Variants in KIAA0513 observed in about 807,000 individuals in gnomAD.
The protein encoded by KIAA0513 is uncharacterized protein KIAA0513.
In KIAA0513, 39 loss-of-function variants were observed where a neutral mutation model predicts 56.5. The observed-to-expected ratio is 0.69, with a 90% CI of 0.53 to 0.90. The LOEUF (loss-of-function observed/expected upper bound fraction) is 0.90. KIAA0513 is among the 40% of genes least tolerant of loss of function. The pLI is 0.00. For synonymous variants in KIAA0513, 268 were observed against 215.6 expected (o/e 1.24, Z -2.13); for missense variants, 591 against 535.2 (o/e 1.10, Z -1.03).
At chr16:85,053,290 G>T (rs1176936264) in intron 1 of KIAA0513, among the ~76,000 whole-genome samples, 1 of 152,226 alleles carries the variant, frequency 6.6e-6, no homozygotes, top group Non-Finnish European at 1.5e-5. Context: ...AGGTACTCAG[G>T]AAACACCCAG....
chr16:85,077,494 C>A lies in KIAA0513; in HGVS notation c.644C>A (p.Ser215Tyr). Residue 215 changes from serine (S) to tyrosine (Y), a missense_variant, in exon 6 of 13, where the codon TCC (serine) becomes TAC (tyrosine). Coordinates refer to ENST00000683363, the MANE Select transcript of KIAA0513 (RefSeq NM_001388359.1). ...GGCAGCATCGACTCCTACCTGAAATCCGCAAACAGCTGGCTGGCCGAAAAG... is the reference window on the plus strand; with the variant it reads ...GGCAGCATCGACTCCTACCTGAAATACGCAAACAGCTGGCTGGCCGAAAAG... Reference protein sequence around the residue: ...PAGSIDSYLKSANSWLAEKKD... With the variant: ...PAGSIDSYLKYANSWLAEKKD... 6.2e-7 allele frequency: 1 copy of A among 1,614,204 alleles called. No individual in the cohort carries two copies. Among genetic ancestry groups the A allele is most frequent in the Middle Eastern group, 1.6e-4 (1 of 6,062 alleles).
At chr16:85,068,838 C>T (rs560844327) in intron 2 of KIAA0513, among the ~76,000 whole-genome samples, 29 of 152,260 alleles carry the variant, frequency 1.9e-4, no homozygotes, top group Admixed American at 1.6e-3. Flanking sequence ...CTTGTCTCAC[C>T]TCATTGTTGC....
chr16:85,087,028 C>A, intron 11 of KIAA0513, 44 bp from the exon 12 acceptor site: 1 of 1,587,844 alleles, frequency 6.3e-7, no homozygotes, highest in Non-Finnish European at 8.6e-7. Context: ...CGGCCCTTTC[C>A]CCTGGGAGGC....
Position 85,067,147 on chromosome 16 carries a change from G to A in KIAA0513, c.76G>A (p.Ala26Thr), listed in dbSNP as rs1336846589. 6 of 1,613,976 alleles carry A rather than the reference G, an allele frequency of 3.7e-6. No homozygotes were observed. Among genetic ancestry groups the A allele is most frequent in the Admixed American group, 1.7e-5 (1 of 60,004 alleles). The change falls in exon 2 of 13, where the codon GCA becomes ACA. Residue 26 changes from alanine to threonine, a missense_variant. Coordinates refer to ENST00000683363, the MANE Select transcript of KIAA0513 (RefSeq NM_001388359.1). ...PEAPTSSPLEAPPPVLQDGDG... is the reference protein window; with the variant it reads ...PEAPTSSPLETPPPVLQDGDG... ...GGCACCCACCTCTTCTCCCCTGGAG[G>A]CACCACCCCCTGTGCTGCAGGACGG...
chr16:85,066,048 C>A (rs3794677), intron 1 of KIAA0513, among the ~76,000 whole-genome samples: 38,028 of 152,054 alleles, frequency 0.25, 5,127 homozygotes, highest in Admixed American at 0.35. Context: ...TCTGGAGGGG[C>A]GTATACTTTA....
chr16:85,069,755 C>G (rs1241817535), intron 2 of KIAA0513, among the ~76,000 whole-genome samples: 5 of 152,098 alleles, frequency 3.3e-5, no homozygotes, highest in Non-Finnish European at 5.9e-5. Flanking sequence ...GTCTTGAGCC[C>G]TGCCTGGCCC....
chr16:85,040,584 G>A (rs964096466), intron 1 of KIAA0513, among the ~76,000 whole-genome samples: 3 of 152,108 alleles, frequency 2.0e-5, no homozygotes, highest in Admixed American at 6.6e-5. Flanking sequence ...TTGCTGTCTC[G>A]GAATTACCTC....
At position 85,081,461 on chromosome 16, in the gene KIAA0513, T is replaced by TC. The variant is rs1344986725; in HGVS notation, c.980+70dup. ...CAGGGAGTGGCTTTATTTCCCGGTT[T>TC]CGGAAGAGGAGAGCAGAAGAGCAGC... On this transcript the variant is annotated intron_variant, in intron 9 of 12. Coordinates refer to ENST00000683363, the MANE Select transcript of KIAA0513 (RefSeq NM_001388359.1). The surrounding 1 kb of genome is among the most constrained non-coding windows in gnomAD (Gnocchi z 4.4). The TC allele has an allele frequency of 1.5e-6, 2 of 1,361,716 alleles. No individual in the cohort carries two copies. The highest frequency in any genetic ancestry group is 3.9e-5 in the Admixed American group (2 of 50,672). The allele number at this position is 1,361,716 out of a possible 1,614,324, so 84.4% of individuals were successfully genotyped here. A position where few individuals can be genotyped will look rare whatever the true frequency, so the allele number is the denominator to read the frequency against.
At position 85,046,820 on chromosome 16, in the gene KIAA0513, C is replaced by T. The variant is rs193179398; in HGVS notation, c.-173+18962C>T. On this transcript the variant is annotated intron_variant, in intron 1 of 12. Transcript: ENST00000683363. ...TATACCTTCTGTTTCTTTCCTGAGA[C>T]TTCTCATCATTCCCTTTATGTTAAG... Among the ~76,000 whole-genome samples, 8 of 152,316 alleles carry T rather than the reference C, an allele frequency of 5.3e-5. No individual in the cohort carries two copies. The East Asian group carries it at 1.5e-3, about 29-fold the overall frequency.
At chr16:85,053,345 G>T (rs749467808) in intron 1 of KIAA0513, among the ~76,000 whole-genome samples, 1 of 152,206 alleles carries the variant, frequency 6.6e-6, no homozygotes, top group Non-Finnish European at 1.5e-5. Context: ...TAGACCCAGC[G>T]CATTGCTGCA....
At chr16:85,078,154 C>T (rs920647200) in intron 6 of KIAA0513, among the ~76,000 whole-genome samples, 35 of 152,182 alleles carry the variant, frequency 2.3e-4, no homozygotes, top group Non-Finnish European at 4.9e-4. Context: ...GGCTGGGCCA[C>T]AGCCGGGTGC....
At position 85,090,394 on chromosome 16, in the gene KIAA0513, C is replaced by A. The variant is rs748693154; in HGVS notation, c.*2069C>A. 8 of 152,122 alleles carry A rather than the reference C, an allele frequency of 5.3e-5. No homozygotes were observed. Among genetic ancestry groups the A allele is most frequent in the African/African-American group, 1.9e-4 (8 of 41,404 alleles). 9.4% of individuals were successfully genotyped at this position (152,122 alleles called of 1,614,324 possible). On this transcript the variant is annotated 3_prime_UTR_variant, in exon 13 of 13. Transcript: ENST00000683363. ...GTTCTGCGGTGCCCACAGGACTTAC[C>A]CCTGTATGTACAGGATTTTTGTATG...
At chr16:85,031,951 A>G (rs1477458809) in intron 1 of KIAA0513, among the ~76,000 whole-genome samples, 1 of 152,214 alleles carries the variant, frequency 6.6e-6, no homozygotes, top group Non-Finnish European at 1.5e-5. Context: ...GAATTCAGGC[A>G]CTAGACAGAC....
At chr16:85,056,034 T>C (rs1361013754) in intron 1 of KIAA0513, among the ~76,000 whole-genome samples, 1 of 152,228 alleles carries the variant, frequency 6.6e-6, no homozygotes, top group East Asian at 1.9e-4. Flanking sequence ...CTCTAAATGG[T>C]TCTGTGCTTT....
chr16:85,058,211 G>A (rs1670861195), intron 1 of KIAA0513, among the ~76,000 whole-genome samples: 1 of 152,216 alleles, frequency 6.6e-6, no homozygotes, highest in African/African-American at 2.4e-5. Context: ...TGGCACTGGA[G>A]GAGAGGCACC....
At chr16:85,061,772 GTTCCTTCTA>G (rs943514958) in intron 1 of KIAA0513, among the ~76,000 whole-genome samples, 2 of 152,206 alleles carry the variant, frequency 1.3e-5, no homozygotes, top group Admixed American at 1.3e-4. Flanking sequence ...AATCTCGTGA[GTTCCTTCTA>G]CAGCTGGAGG....
chr16:85,035,835 G>C (rs1475147723), intron 1 of KIAA0513, among the ~76,000 whole-genome samples: 2 of 152,076 alleles, frequency 1.3e-5, no homozygotes, highest in African/African-American at 4.8e-5. Context: ...AAAAAAATTA[G>C]CCAGGCTTGG....
intron 1 of KIAA0513, among the ~76,000 whole-genome samples, chr16:85,030,032 C>T (rs531090262): frequency 2.0e-5 from 3 of 152,128 alleles, no homozygotes; most frequent in Non-Finnish European, 4.4e-5. Context: ...GGGGCGGATC[C>T]GGGTGGTTTG....
chr16:85,055,112 CAG>C (rs1567530008), intron 1 of KIAA0513, among the ~76,000 whole-genome samples: 1 of 151,974 alleles, frequency 6.6e-6, no homozygotes, highest in Non-Finnish European at 1.5e-5. Flanking sequence ...TTTTTAGAGA[CAG>C]AGTCTCACTG....
Sources: allele counts gnomAD v4.1 joint callset (sites outside exome capture counted in the v4.1 genomes callset), GRCh38; gene constraint gnomAD v4.1.1; non-coding constraint Gnocchi (gnomAD v3.1); transcripts MANE v1.5; gene names NCBI Gene and HGNC (gene_info 2026-07-23, HGNC 2026-07-21).